SLC24A5: variants seen among roughly 807,000 people sequenced by gnomAD.
SLC24A5 encodes solute carrier family 24 member 5, also known as sodium/potassium/calcium exchanger 5.
A neutral mutation model predicts 51.6 loss-of-function variants in SLC24A5; 46 were observed. The ratio of observed to expected loss-of-function variants is 0.89; its 90% CI spans 0.70 to 1.14. SLC24A5 has a LOEUF of 1.14. Ranked by LOEUF, SLC24A5 falls within the 50% of genes most tolerant of loss-of-function variation. The pLI is 0.00. For synonymous variants in SLC24A5, 230 were observed against 214.9 expected (o/e 1.07, Z -0.62); for missense variants, 581 against 604.1 (o/e 0.96, Z 0.40).
intron 2 of SLC24A5, among the ~76,000 whole-genome samples, chr15:48,124,871 C>T (rs2038714989): frequency 6.6e-6 from 1 of 152,146 alleles, no homozygotes; most frequent in African/African-American, 2.4e-5. Flanking sequence ...AAAATTGACC[C>T]TCATCTTGAG....
chr15:48,135,427 C>G (rs2038872219), intron 5 of SLC24A5: 1 of 153,348 alleles, frequency 6.5e-6, no homozygotes, highest in Non-Finnish European at 1.5e-5. Context: ...ACTTCTGATG[C>G]TCATTCAGGA....
intron 7 of SLC24A5, chr15:48,139,400 A>G (rs1375686139): frequency 1.8e-5 from 7 of 383,422 alleles, no homozygotes; most frequent in Non-Finnish European, 3.3e-5. Context: ...AGCCTGGGGT[A>G]CAATTCAAGA....
Position 48,142,499 on chromosome 15 carries a change from A to G in SLC24A5, c.*148A>G. ...TTAAAACCAACCAAAATCACATCCTAATTTTTCTGAGCCCTTTCTTTTCAT... is the reference window on the plus strand; with the variant it reads ...TTAAAACCAACCAAAATCACATCCTGATTTTTCTGAGCCCTTTCTTTTCAT... On this transcript the variant is annotated 3_prime_UTR_variant, in exon 9 of 9. Coordinates refer to ENST00000341459, the MANE Select transcript of SLC24A5 (RefSeq NM_205850.3). 5.1e-6 allele frequency: 3 copies of G among 588,374 alleles called. No homozygotes were observed. Among genetic ancestry groups the G allele is most frequent in the Non-Finnish European group, 8.2e-6 (3 of 367,550 alleles). The allele number at this position is 588,374 out of a possible 1,614,324, so 36.4% of individuals were successfully genotyped here.
chr15:48,134,009 A>G (rs1473729012), intron 2 of SLC24A5, among the ~76,000 whole-genome samples: 1 of 152,134 alleles, frequency 6.6e-6, no homozygotes, highest in Non-Finnish European at 1.5e-5. Context: ...TGGGTTCCAA[A>G]TAACCCTATG....
chr15:48,136,883 C>T lies in SLC24A5; in HGVS notation c.791C>T (p.Thr264Ile), dbSNP rs886122994. The change falls in exon 6 of 9, where the codon ACT becomes ATT. Residue 264 changes from threonine (T) to isoleucine (I), a missense_variant. Coordinates refer to ENST00000341459, the MANE Select transcript of SLC24A5 (RefSeq NM_205850.3). ...GQPFIRRQSR[T>I]DSGIFYEDSG... ...CCATTCATTCGTCGGCAATCAAGAA[C>T]TGATAGTGGAATATTTTATGAAGAT... 8 of 1,613,836 alleles carry T rather than the reference C, an allele frequency of 5.0e-6. No individual in the cohort carries two copies. The highest frequency in any genetic ancestry group is 5.9e-6 in the Non-Finnish European group (7 of 1,179,798).
chr15:48,131,085 G>A (rs574010823), intron 2 of SLC24A5, among the ~76,000 whole-genome samples: 3 of 152,138 alleles, frequency 2.0e-5, no homozygotes, highest in African/African-American at 7.2e-5. Flanking sequence ...ATATGGGAGT[G>A]CATTGTACAC....
chr15:48,123,139 A>AC (rs2038696781), intron 2 of SLC24A5: 1 of 151,826 alleles, frequency 6.6e-6, no homozygotes, highest in Admixed American at 6.6e-5. Context: ...GGCACTCAAC[A>AC]CCTATCTGTT....
intron 2 of SLC24A5, among the ~76,000 whole-genome samples, chr15:48,130,210 G>T (rs1284621722): frequency 2.0e-5 from 3 of 151,980 alleles, no homozygotes; most frequent in East Asian, 3.9e-4. Context: ...AGGAAAAAAA[G>T]AATAATAGCT....
intron 3 of SLC24A5, 44 bp from the exon 4 acceptor site, chr15:48,134,391 T>C (rs765028839): frequency 1.2e-5 from 19 of 1,610,008 alleles, no homozygotes; most frequent in Non-Finnish European, 1.5e-5. Context: ...ATTTTTATTT[T>C]CTTCAAGTTA....
chr15:48,138,712 C>T (rs1034684746), intron 6 of SLC24A5: 2 of 386,730 alleles, frequency 5.2e-6, no homozygotes, highest in South Asian at 3.7e-5. Context: ...ATATATTTAA[C>T]GAATGGCCCA....
intron 2 of SLC24A5, chr15:48,124,457 T>C (rs549269522): frequency 6.6e-6 from 1 of 152,080 alleles, no homozygotes; most frequent in South Asian, 2.1e-4. Context: ...AACTAAAAAT[T>C]GAAAAATTAA....
In SLC24A5 at chr15:48,142,546, CAG is replaced by C; in HGVS notation, c.*197_*198del. The C allele has an allele frequency of 2.0e-6, 1 of 502,180 alleles. No homozygotes were observed. 31.1% of individuals were successfully genotyped at this position (502,180 alleles called of 1,614,324 possible). ...TCATGAAAAATTACATATTATAAAA[CAG>C]AAGTTTGGGGGGAAAAAATCTATGT... On this transcript the variant is annotated 3_prime_UTR_variant, in exon 9 of 9. Coordinates refer to ENST00000341459, the MANE Select transcript of SLC24A5 (RefSeq NM_205850.3).
At chr15:48,138,724 G>A (rs1345539647) in intron 6 of SLC24A5, 2 of 436,332 alleles carry the variant, frequency 4.6e-6, no homozygotes, top group Non-Finnish European at 8.3e-6. Context: ...AATGGCCCAA[G>A]ACATTTTTAT....
intron 2 of SLC24A5, among the ~76,000 whole-genome samples, chr15:48,133,254 C>A (rs1414488990): frequency 6.6e-6 from 1 of 152,124 alleles, no homozygotes; most frequent in African/African-American, 2.4e-5. Flanking sequence ...TCGATACTAA[C>A]TTTGTGACCT....
chr15:48,122,345 A>T (rs886251383), intron 2 of SLC24A5: 2 of 534,066 alleles, frequency 3.7e-6, no homozygotes, highest in Non-Finnish European at 6.6e-6. Context: ...ACTTGTATGT[A>T]CTTTGTGTGC....
chr15:48,123,647 G>GT (rs1410787850), intron 2 of SLC24A5: 1 of 152,084 alleles, frequency 6.6e-6, no homozygotes, highest in African/African-American at 2.4e-5. Flanking sequence ...CCTGTTTTAA[G>GT]TTTTTTGTGT....
At chr15:48,131,910 T>A (rs889510493) in intron 2 of SLC24A5, among the ~76,000 whole-genome samples, 1 of 152,142 alleles carries the variant, frequency 6.6e-6, no homozygotes, top group Non-Finnish European at 1.5e-5. Context: ...TAGCTTGGAT[T>A]AGGGCTGGTT....
chr15:48,133,760 T>C (rs1344555541), intron 2 of SLC24A5, among the ~76,000 whole-genome samples: 1 of 152,116 alleles, frequency 6.6e-6, no homozygotes, highest in Non-Finnish European at 1.5e-5. Context: ...AAGCCTCCCA[T>C]ATTCCGAATA....
intron 5 of SLC24A5, 40 bp downstream of exon 5, chr15:48,135,024 T>G (rs773935940): frequency 4.7e-6 from 7 of 1,502,840 alleles, no homozygotes; most frequent in Non-Finnish European, 2.8e-6. Flanking sequence ...ATTAGAGATT[T>G]TATGAATTTC....
Sources: allele counts gnomAD v4.1 joint callset (sites outside exome capture counted in the v4.1 genomes callset), GRCh38; gene constraint gnomAD v4.1.1; transcripts MANE v1.5; gene names NCBI Gene and HGNC (gene_info 2026-07-23, HGNC 2026-07-21).